ATG10: variants seen among roughly 807,000 people sequenced by gnomAD.
The protein encoded by ATG10 is ubiquitin-like-conjugating enzyme ATG10.
In ATG10, 30 loss-of-function variants were observed where a neutral mutation model predicts 32.1. The observed-to-expected ratio is 0.94, with a 90% CI of 0.70 to 1.27. The LOEUF (loss-of-function observed/expected upper bound fraction) is 1.27, where lower values mean the gene tolerates loss of function less well. ATG10 is among the 50% of genes most tolerant of loss of function. ATG10 has a pLI of 0.00. For synonymous variants in ATG10, 87 were observed against 91.5 expected (o/e 0.95, Z 0.28); for missense variants, 233 against 262.3 (o/e 0.89, Z 0.77).
intron 3 of ATG10, among the ~76,000 whole-genome samples, chr5:82,141,298 G>GTTATTGAAGCCTATCATGTTTT (rs1209831805): frequency 1.3e-5 from 2 of 149,186 alleles, no homozygotes; most frequent in Non-Finnish European, 3.0e-5. Flanking sequence ...AATTTTTTTT[G>GTTATTGAAGCCTATCATGTTTT]TTATTGAAGC....
intron 5 of ATG10, among the ~76,000 whole-genome samples, chr5:82,225,055 AAT>A (rs1449047145): frequency 1.3e-5 from 2 of 152,172 alleles, no homozygotes; most frequent in Non-Finnish European, 2.9e-5. Flanking sequence ...ACATTTCTTC[AAT>A]ATTTTTGGTG....
intron 3 of ATG10, among the ~76,000 whole-genome samples, chr5:82,093,938 A>G (rs1367680781): frequency 1.3e-5 from 2 of 152,132 alleles, no homozygotes; most frequent in Admixed American, 1.3e-4. Flanking sequence ...TGAGAACCCA[A>G]ATGATTCCCA....
intron 2 of ATG10, among the ~76,000 whole-genome samples, chr5:81,994,221 A>G (rs1761594241): frequency 6.6e-6 from 1 of 152,126 alleles, no homozygotes; most frequent in Admixed American, 6.6e-5. Flanking sequence ...TTGTCACAGA[A>G]TAATATAGAA....
At chr5:82,034,882 T>C (rs1045531842) in intron 2 of ATG10, among the ~76,000 whole-genome samples, 10 of 152,240 alleles carry the variant, frequency 6.6e-5, no homozygotes, top group African/African-American at 2.2e-4. Flanking sequence ...TTTTAATCTT[T>C]CTTACTCGGA....
intron 3 of ATG10, among the ~76,000 whole-genome samples, chr5:82,068,070 A>T (rs1368223530): frequency 6.6e-6 from 1 of 152,090 alleles, no homozygotes; most frequent in Admixed American, 6.6e-5. Flanking sequence ...ACATTATTTT[A>T]ATTGCCCTAA....
At position 82,127,427 on chromosome 5, in the gene ATG10, T is replaced by A. The variant is rs117812582; in HGVS notation, c.217-36972T>A. ...TTCCTCCTGTGGGCATTTAGTGCTG[T>A]AAATTTTCCTCTAAGCACTGCTTTA... On this transcript the variant is annotated intron_variant, in intron 3 of 7. Coordinates refer to ENST00000282185, the MANE Select transcript of ATG10 (RefSeq NM_031482.5). Among the ~76,000 whole-genome samples, 60 of 152,286 alleles carry A rather than the reference T, an allele frequency of 3.9e-4. No homozygotes were observed. In the East Asian group the frequency reaches 0.01, roughly 26 times the overall value.
chr5:82,080,853 T>C (rs1212830708), intron 3 of ATG10, among the ~76,000 whole-genome samples: 2 of 152,228 alleles, frequency 1.3e-5, no homozygotes, highest in South Asian at 2.1e-4. Context: ...TGGGCTCTTT[T>C]TTGTTCCGTA....
intron 3 of ATG10, among the ~76,000 whole-genome samples, chr5:82,142,200 T>G (rs2149866834): frequency 6.6e-6 from 1 of 152,308 alleles, no homozygotes; most frequent in South Asian, 2.1e-4. Flanking sequence ...ACAGACAGCT[T>G]GTTTCCTCAA....
intron 2 of ATG10, among the ~76,000 whole-genome samples, chr5:82,051,461 C>A (rs1398508603): frequency 1.3e-5 from 2 of 152,132 alleles, no homozygotes. Context: ...TAAAGACGTG[C>A]AAATTTCTTT....
At chr5:82,056,193 T>G (rs1314751533) in intron 2 of ATG10, among the ~76,000 whole-genome samples, 1 of 152,150 alleles carries the variant, frequency 6.6e-6, no homozygotes, top group African/African-American at 2.4e-5. Flanking sequence ...TAAACACAAA[T>G]TTATGTTACT....
intron 1 of ATG10, among the ~76,000 whole-genome samples, chr5:81,987,320 T>C (rs1761313869): frequency 6.6e-6 from 1 of 152,086 alleles, no homozygotes; most frequent in Non-Finnish European, 1.5e-5. Flanking sequence ...AGACAGAGTC[T>C]TGCTGTGTTG....
At chr5:82,130,202 C>G (rs1766464706) in intron 3 of ATG10, among the ~76,000 whole-genome samples, 1 of 152,176 alleles carries the variant, frequency 6.6e-6, no homozygotes, top group African/African-American at 2.4e-5. Context: ...CCCCATGAAA[C>G]TCGAGCATCC....
intron 5 of ATG10, among the ~76,000 whole-genome samples, chr5:82,240,318 A>G (rs866856064): frequency 1.3e-5 from 2 of 152,266 alleles, no homozygotes; most frequent in Admixed American, 6.5e-5. Flanking sequence ...TGTATACACA[A>G]TAGAATATTA....
intron 2 of ATG10, among the ~76,000 whole-genome samples, chr5:82,052,742 T>C (rs1706133132): frequency 6.6e-6 from 1 of 152,174 alleles, no homozygotes; most frequent in Non-Finnish European, 1.5e-5. Context: ...CATGCATATA[T>C]TCATACTGTT....
chr5:82,224,314 G>T (rs1174110240), intron 5 of ATG10, among the ~76,000 whole-genome samples: 1 of 152,168 alleles, frequency 6.6e-6, no homozygotes, highest in Non-Finnish European at 1.5e-5. Context: ...TTACCTAGAG[G>T]TCACAAATAC....
At chr5:82,207,821 C>T (rs1282405378) in intron 5 of ATG10, among the ~76,000 whole-genome samples, 2 of 152,040 alleles carry the variant, frequency 1.3e-5, no homozygotes, top group African/African-American at 4.8e-5. Context: ...GACTGCTGAG[C>T]CCTGGAAATG....
chr5:82,040,182 G>C (rs960924411), intron 2 of ATG10, among the ~76,000 whole-genome samples: 1 of 152,200 alleles, frequency 6.6e-6, no homozygotes, highest in African/African-American at 2.4e-5. Flanking sequence ...CATTTTCAGG[G>C]GGAGGGGAAA....
intron 4 of ATG10, among the ~76,000 whole-genome samples, chr5:82,176,556 A>T (rs989560516): frequency 6.6e-6 from 1 of 152,016 alleles, no homozygotes; most frequent in Non-Finnish European, 1.5e-5. Flanking sequence ...GCCTCTTCCC[A>T]CACCAATACA....
At position 82,037,234 on chromosome 5, in the gene ATG10, C is replaced by CTTTTT. The variant is rs1166784267; in HGVS notation, c.109-21234_109-21230dup. 5.0e-3 allele frequency among the ~76,000 whole-genome samples: 183 copies of CTTTTT among 36,956 alleles called. 67 individuals carry two copies. The highest frequency in any genetic ancestry group is 7.2e-3 in the South Asian group (5 of 690). 24.2% of individuals were successfully genotyped at this position (36,956 alleles called of 152,430 possible). A position where few individuals can be genotyped will look rare whatever the true frequency, so the allele number is the denominator to read the frequency against. On this transcript the variant is annotated intron_variant, in intron 2 of 7. Transcript: ENST00000282185. Reference sequence around the variant, plus strand: ...ACTTTTTGTAATAAGATCTCATTTACTTTTTTTTTTTTTTTTTTTTTTTTT... The same window carrying CTTTTT: ...ACTTTTTGTAATAAGATCTCATTTACTTTTTTTTTTTTTTTTTTTTTTTTTTTTTT...
Sources: gnomAD v4.1 joint callset for allele counts (sites outside exome capture counted in the v4.1 genomes callset) on GRCh38, gnomAD v4.1.1 for gene constraint, MANE v1.5 for transcripts, NCBI Gene and HGNC (gene_info 2026-07-23, HGNC 2026-07-21) for gene names.